The following SLC30A4 variants were observed in gnomAD, a reference collection of about 807,000 sequenced individuals.
SLC30A4 encodes probable proton-coupled zinc antiporter SLC30A4.
A neutral mutation model predicts 41.7 loss-of-function variants in SLC30A4; 20 were observed. The observed-to-expected ratio is 0.48, with a 90% CI of 0.34 to 0.70. The LOEUF (loss-of-function observed/expected upper bound fraction) is 0.70, where lower values mean the gene tolerates loss of function less well. Ranked by LOEUF, SLC30A4 falls within the 30% of genes least tolerant of loss-of-function variation. The pLI, the probability that SLC30A4 is intolerant of heterozygous loss-of-function variation, is 0.01. For synonymous variants in SLC30A4, 181 were observed against 195.9 expected (o/e 0.92, Z 0.64); for missense variants, 441 against 529.3 (o/e 0.83, Z 1.64).
chr15:45,508,486 A>G (rs1382940446), intron 3 of SLC30A4, among the ~76,000 whole-genome samples: 1 of 152,162 alleles, frequency 6.6e-6, no homozygotes. Context: ...CCTAAGCCTT[A>G]AGATCTGTTG....
rs141270537 is a variant in SLC30A4 at position 45,505,109 on chromosome 15, T to A, written c.538+6029A>T. ...AGCTGGGAATGGTGGCACACGTCTA[T>A]AATCCCAGCTACTTGGGAAGCTAAG... On this transcript the variant is annotated intron_variant, in intron 3 of 7. Coordinates refer to ENST00000261867, the MANE Select transcript of SLC30A4 (RefSeq NM_013309.6). Among the ~76,000 whole-genome samples the A allele has an allele frequency of 2.2e-3, 331 of 152,050 alleles. 2 individuals carry two copies. Among genetic ancestry groups the A allele is most frequent in the African/African-American group, 7.4e-3 (305 of 41,466 alleles).
Position 45,522,389 on chromosome 15 carries a change from T to A in SLC30A4, c.-35A>T. 1 of 1,542,590 alleles carries A rather than the reference T, an allele frequency of 6.5e-7. No individual in the cohort carries two copies. The highest frequency in any genetic ancestry group is 8.7e-7 in the Non-Finnish European group (1 of 1,151,334). ...TGAGCGGCCGCGGTGCGGAACGGCT[T>A]GGGGGAGGCGGACGGCCGGCGGCGC... On this transcript the variant is annotated 5_prime_UTR_variant, in exon 2 of 8. Coordinates refer to ENST00000261867, the MANE Select transcript of SLC30A4 (RefSeq NM_013309.6).
At chr15:45,493,394 T>C (rs930125676) in intron 3 of SLC30A4, among the ~76,000 whole-genome samples, 10 of 152,216 alleles carry the variant, frequency 6.6e-5, no homozygotes, top group Admixed American at 1.3e-4. Context: ...AAAACTGTTA[T>C]GTGGAACAAC....
intron 3 of SLC30A4, among the ~76,000 whole-genome samples, chr15:45,503,492 T>C (rs1181078886): frequency 1.3e-5 from 2 of 151,880 alleles, no homozygotes; most frequent in East Asian, 3.9e-4. Flanking sequence ...GGTGGGCGCC[T>C]GTAGTCCCAG....
In SLC30A4 at chr15:45,487,600, T is replaced by C. The variant is rs1667328099; in HGVS notation, c.927A>G (p.Thr309=). The change falls in exon 6 of 8, where the codon ACA becomes ACG. Residue 309 remains threonine (T), a synonymous_variant. Coordinates refer to ENST00000261867, the MANE Select transcript of SLC30A4 (RefSeq NM_013309.6). ...AAGCCACAAGTAATGAAAATACGTA[T>C]GTACAGATGGGGTCAGCAATCTTGT... ...PEYKIADPIC[T]YVFSLLVAFT... The C allele has an allele frequency of 3.2e-6, 5 of 1,579,954 alleles. No individual in the cohort carries two copies. Among genetic ancestry groups the C allele is most frequent in the Non-Finnish European group, 3.5e-6 (4 of 1,149,922 alleles).
intron 3 of SLC30A4, among the ~76,000 whole-genome samples, chr15:45,493,716 C>T (rs542135763): frequency 6.6e-6 from 1 of 152,258 alleles, no homozygotes; most frequent in Admixed American, 6.5e-5. Flanking sequence ...GCCCCAGCTA[C>T]TCAGGAGGCT....
intron 3 of SLC30A4, among the ~76,000 whole-genome samples, chr15:45,504,414 C>T (rs1489476835): frequency 6.6e-6 from 1 of 152,150 alleles, no homozygotes; most frequent in East Asian, 1.9e-4. Flanking sequence ...ACAAGAACTC[C>T]TCCTGCTTTC....
intron 7 of SLC30A4, 92 bp downstream of exon 7, chr15:45,486,519 A>G: frequency 8.5e-7 from 1 of 1,171,906 alleles, no homozygotes; most frequent in Non-Finnish European, 1.2e-6. Flanking sequence ...TTTCAGCAGA[A>G]AAGTCTTCCT....
At chr15:45,499,279 A>G (rs754789857) in intron 3 of SLC30A4, among the ~76,000 whole-genome samples, 1 of 151,916 alleles carries the variant, frequency 6.6e-6, no homozygotes, top group African/African-American at 2.4e-5. Context: ...TCACCATGTT[A>G]GCCAGGATGG....
intron 3 of SLC30A4, among the ~76,000 whole-genome samples, chr15:45,493,055 T>C (rs1441474347): frequency 1.3e-5 from 2 of 151,666 alleles, no homozygotes; most frequent in Non-Finnish European, 1.5e-5. Flanking sequence ...GCGGATCACC[T>C]GAGGTCAGGA....
chr15:45,516,561 T>TA (rs750826587), intron 2 of SLC30A4, among the ~76,000 whole-genome samples: 1 of 149,356 alleles, frequency 6.7e-6, no homozygotes, highest in Non-Finnish European at 1.5e-5. Context: ...TATCTTTTTT[T>TA]AAAAAAATCT....
chr15:45,485,956 T>C (rs576619724), intron 7 of SLC30A4, among the ~76,000 whole-genome samples: 70 of 152,088 alleles, frequency 4.6e-4, no homozygotes, highest in Non-Finnish European at 7.6e-4. Flanking sequence ...TGACCTCAGG[T>C]GATCCACCCA....
chr15:45,514,874 G>C (rs1892418601), intron 2 of SLC30A4, among the ~76,000 whole-genome samples: 1 of 151,976 alleles, frequency 6.6e-6, no homozygotes, highest in East Asian at 1.9e-4. Context: ...CTCTGTGAGA[G>C]AGTACCTTAA....
rs1040420055 is a variant in SLC30A4, at chr15:45,490,245, C to T, written c.692+483G>A. Among the ~76,000 whole-genome samples the T allele has an allele frequency of 6.6e-5, 10 of 152,118 alleles. No individual in the cohort carries two copies. In the East Asian group the frequency reaches 1.7e-3, roughly 26 times the overall value. ...TGGCTGGGACCATAGGCACGAGCCA[C>T]CGTGCCTGGCTAATTTTTATTTTTA... On this transcript the variant is annotated intron_variant, in intron 4 of 7. Transcript: ENST00000261867.
rs185598158 is a variant in SLC30A4 at position 45,518,124 on chromosome 15, G to A, written c.391+3840C>T. ...ACTGGCCTTCTTTCTAATTCCTTTC[G>A]AAGAATTGAAGGCTTTAGGACCTTG... On this transcript the variant is annotated intron_variant, in intron 2 of 7. Transcript: ENST00000261867. Among the ~76,000 whole-genome samples the A allele has an allele frequency of 3.1e-3, 472 of 152,112 alleles. 13 individuals are homozygous for A. The highest frequency in any genetic ancestry group is 7.4e-4 in the Non-Finnish European group (50 of 68,000).
intron 3 of SLC30A4, among the ~76,000 whole-genome samples, chr15:45,510,334 TA>T (rs1252381016): frequency 6.6e-6 from 1 of 152,064 alleles, no homozygotes; most frequent in East Asian, 1.9e-4. Context: ...TTTTTTAGGC[TA>T]AAAAATAAAA....
intron 2 of SLC30A4, among the ~76,000 whole-genome samples, chr15:45,512,042 TA>T (rs1566881441): frequency 6.6e-6 from 1 of 152,210 alleles, no homozygotes; most frequent in African/African-American, 2.4e-5. Flanking sequence ...TAGTTCGATA[TA>T]AAATATGTAA....
rs1891640472 is a variant in SLC30A4, at chr15:45,483,509, A to C, written c.*1654T>G. On this transcript the variant is annotated 3_prime_UTR_variant, in exon 8 of 8. Coordinates refer to ENST00000261867, the MANE Select transcript of SLC30A4 (RefSeq NM_013309.6). ...AGGCATTTACAATTAGGTTGCCTTC[A>C]GTTTGGAAACCTCTGTTTAGTTTCC... 6.6e-6 allele frequency: 1 copy of C among 152,238 alleles called. No homozygotes were observed. The highest frequency in any genetic ancestry group is 1.5e-5 in the Non-Finnish European group (1 of 68,046). The allele number at this position is 152,238 out of a possible 1,614,324, so 9.4% of individuals were successfully genotyped here.
rs1170445429 is a variant in SLC30A4, at chr15:45,483,435, C to T, written c.*1728G>A. On this transcript the variant is annotated 3_prime_UTR_variant, in exon 8 of 8. Coordinates refer to ENST00000261867, the MANE Select transcript of SLC30A4 (RefSeq NM_013309.6). ...ATGTGCATAAAAGATAATCTCAAAACCAATGGTTGCAAAATGAAACATGAA... is the reference window on the plus strand; with the variant it reads ...ATGTGCATAAAAGATAATCTCAAAATCAATGGTTGCAAAATGAAACATGAA... 6.6e-6 allele frequency: 1 copy of T among 152,170 alleles called. No individual in the cohort carries two copies. Among genetic ancestry groups the T allele is most frequent in the Non-Finnish European group, 1.5e-5 (1 of 68,030 alleles). 9.4% of individuals were successfully genotyped at this position (152,170 alleles called of 1,614,324 possible). A position where few individuals can be genotyped will look rare whatever the true frequency, so the allele number is the denominator to read the frequency against.
Sources: allele counts gnomAD v4.1 joint callset (sites outside exome capture counted in the v4.1 genomes callset), GRCh38; gene constraint gnomAD v4.1.1; transcripts MANE v1.5; gene names NCBI Gene and HGNC (gene_info 2026-07-23, HGNC 2026-07-21).